Variants in MDFIC2 observed in about 807,000 individuals in gnomAD.
The protein encoded by MDFIC2 is MyoD family inhibitor domain containing 2.
chr3:70,259,155 T>C (rs1701843309), intron 2 of MDFIC2, among the ~76,000 whole-genome samples: 1 of 152,158 alleles, frequency 6.6e-6, no homozygotes, highest in South Asian at 2.1e-4. Flanking sequence ...CCCTTTTTCA[T>C]ATGTGGTCCT....
intron 2 of MDFIC2, among the ~76,000 whole-genome samples, chr3:70,280,647 C>A (rs1207084088): frequency 2.0e-5 from 3 of 152,142 alleles, no homozygotes; most frequent in East Asian, 3.9e-4. Flanking sequence ...CAGTCTCATT[C>A]TCCTCTGAGG....
chr3:70,290,404 G>T lies in MDFIC2; in HGVS notation c.88+21482C>A, dbSNP rs546971035. Among the ~76,000 whole-genome samples the T allele has an allele frequency of 2.4e-4, 37 of 152,328 alleles. 2 individuals are homozygous for T. The East Asian group carries it at 4.5e-3, about 18-fold the overall frequency. ...AGGGGTCAGGGACCCACTTGAGGAG[G>T]CAGTCTGCCCCTTCTCAGATCTCCA... On this transcript the variant is annotated intron_variant, in intron 2 of 3. Transcript: ENST00000567252.
chr3:70,287,660 A>G (rs1344396623), intron 2 of MDFIC2, among the ~76,000 whole-genome samples: 1 of 152,152 alleles, frequency 6.6e-6, no homozygotes, highest in Non-Finnish European at 1.5e-5. Flanking sequence ...TACCTCTGGT[A>G]GAATTTGGCT....
chr3:70,214,011 A>G (rs1160169238), intron 2 of MDFIC2, among the ~76,000 whole-genome samples: 1 of 152,104 alleles, frequency 6.6e-6, no homozygotes, highest in African/African-American at 2.4e-5. Context: ...TCTTCTTTGA[A>G]AGCTGGGTAA....
intron 2 of MDFIC2, among the ~76,000 whole-genome samples, chr3:70,228,700 T>C (rs1379314891): frequency 2.6e-5 from 4 of 151,932 alleles, no homozygotes; most frequent in African/African-American, 4.8e-5. Flanking sequence ...TTACATTTGA[T>C]GAAGGAAATG....
intron 2 of MDFIC2, among the ~76,000 whole-genome samples, chr3:70,244,961 A>T (rs1227654746): frequency 6.6e-6 from 1 of 152,122 alleles, no homozygotes; most frequent in Admixed American, 6.6e-5. Flanking sequence ...TATATATAAA[A>T]ATCATACTAC....
intron 2 of MDFIC2, among the ~76,000 whole-genome samples, chr3:70,221,895 C>T (rs879542033): frequency 6.6e-6 from 1 of 152,104 alleles, no homozygotes; most frequent in Non-Finnish European, 1.5e-5. Flanking sequence ...CAATTTGTGC[C>T]AACCCAATAG....
chr3:70,281,335 T>G (rs1001263135), intron 2 of MDFIC2, among the ~76,000 whole-genome samples: 9 of 152,134 alleles, frequency 5.9e-5, no homozygotes, highest in Non-Finnish European at 1.2e-4. Flanking sequence ...ATCTTATCCA[T>G]TCTCTCTCAA....
intron 2 of MDFIC2, among the ~76,000 whole-genome samples, chr3:70,299,718 T>C (rs369201108): frequency 1.3e-5 from 2 of 152,270 alleles, no homozygotes; most frequent in South Asian, 2.1e-4. Context: ...TCTACCCTTC[T>C]AGTCCATCTT....
chr3:70,274,425 A>G (rs368131619), intron 2 of MDFIC2, among the ~76,000 whole-genome samples: 19 of 150,846 alleles, frequency 1.3e-4, no homozygotes, highest in Admixed American at 7.2e-4. Context: ...TTTTAATGAC[A>G]TTGTTCATCA....
intron 2 of MDFIC2, among the ~76,000 whole-genome samples, chr3:70,252,484 A>G (rs183492020): frequency 1.6e-4 from 24 of 152,332 alleles, no homozygotes; most frequent in African/African-American, 5.5e-4. Flanking sequence ...AAGATGGGTC[A>G]GAGAGAATAA....
intron 2 of MDFIC2, among the ~76,000 whole-genome samples, chr3:70,289,905 C>G (rs1702213923): frequency 6.6e-6 from 1 of 151,988 alleles, no homozygotes; most frequent in South Asian, 2.1e-4. Flanking sequence ...TGGTTTTCAG[C>G]TCCATCAGCT....
At chr3:70,286,441 A>C (rs1483862637) in intron 2 of MDFIC2, among the ~76,000 whole-genome samples, 1 of 151,852 alleles carries the variant, frequency 6.6e-6, no homozygotes, top group African/African-American at 2.4e-5. Flanking sequence ...TACCAGTACC[A>C]TGCTGTTTTG....
intron 2 of MDFIC2, among the ~76,000 whole-genome samples, chr3:70,285,253 T>C: frequency 7.6e-6 from 1 of 130,794 alleles, no homozygotes; most frequent in Non-Finnish European, 1.5e-5. Flanking sequence ...TTCCCCTTCC[T>C]GTGTCCATGT....
intron 2 of MDFIC2, among the ~76,000 whole-genome samples, chr3:70,287,861 A>C (rs1286413663): frequency 6.6e-6 from 1 of 151,946 alleles, no homozygotes; most frequent in Non-Finnish European, 1.5e-5. Flanking sequence ...TGTTTGTAGT[A>C]TTCTCTGATG....
At chr3:70,308,144 C>T (rs1702420359) in intron 2 of MDFIC2, among the ~76,000 whole-genome samples, 1 of 152,166 alleles carries the variant, frequency 6.6e-6, no homozygotes. Context: ...CTCAACCTCC[C>T]AGGCTCAAGC....
intron 2 of MDFIC2, among the ~76,000 whole-genome samples, chr3:70,251,159 A>G (rs181879121): frequency 1.5e-4 from 23 of 152,312 alleles, no homozygotes; most frequent in African/African-American, 5.3e-4. Flanking sequence ...AATTGCAAAA[A>G]GGTGGTTTCT....
intron 2 of MDFIC2, among the ~76,000 whole-genome samples, chr3:70,305,454 T>A (rs1319221352): frequency 6.6e-6 from 1 of 152,180 alleles, no homozygotes; most frequent in Non-Finnish European, 1.5e-5. Flanking sequence ...AATATTTAAA[T>A]GAGATACAAA....
intron 2 of MDFIC2, among the ~76,000 whole-genome samples, chr3:70,288,951 G>T (rs1433589901): frequency 2.0e-5 from 3 of 151,946 alleles, no homozygotes; most frequent in Non-Finnish European, 4.4e-5. Flanking sequence ...GCCTATGTGT[G>T]TCTCTGCACG....
Sources: gnomAD v4.1 joint callset for allele counts (sites outside exome capture counted in the v4.1 genomes callset) on GRCh38, gnomAD v4.1.1 for gene constraint, MANE v1.5 for transcripts, NCBI Gene and HGNC (gene_info 2026-07-23, HGNC 2026-07-21) for gene names.